The following CDH4 variants were observed in gnomAD, a reference collection of about 807,000 sequenced individuals.
CDH4 encodes cadherin 4, also known as cadherin-4.
In CDH4, 33 loss-of-function variants were observed where a neutral mutation model predicts 86.0. The ratio of observed to expected loss-of-function variants is 0.38; its 90% CI spans 0.29 to 0.51. The LOEUF (loss-of-function observed/expected upper bound fraction) is 0.51, where lower values mean the gene tolerates loss of function less well. Among genes scored for constraint, CDH4 ranks in the 20% least tolerant of loss-of-function variants. CDH4 has a pLI of 0.86. For missense variants in CDH4, 1,114 were observed against 1,307.4 expected, an observed-to-expected ratio of 0.85 and a Z score of 2.28; for synonymous variants, 555 against 549.4, an observed-to-expected ratio of 1.01 and a Z score of -0.14.
In CDH4 at chr20:61,652,736, C is replaced by T. The variant is rs2087134622; in HGVS notation, c.170-90827C>T. Among the ~76,000 whole-genome samples, 6 of 151,110 alleles carry T rather than the reference C, an allele frequency of 4.0e-5. No individual in the cohort carries two copies. In the South Asian group the frequency reaches 1.3e-3, roughly 32 times the overall value. On this transcript the variant is annotated intron_variant, in intron 2 of 15. Coordinates refer to ENST00000614565, the MANE Select transcript of CDH4 (RefSeq NM_001794.5). ...CATGGAATCTTGAAATTGAATTTTT[C>T]CTGGGTAGATTCCCAAGGGTTATAC...
At chr20:61,455,597 GC>G (rs1369008114) in intron 2 of CDH4, among the ~76,000 whole-genome samples, 1 of 152,218 alleles carries the variant, frequency 6.6e-6, no homozygotes, top group Non-Finnish European at 1.5e-5. Flanking sequence ...TCTAGGACTA[GC>G]CAGCGACTAG....
intron 4 of CDH4, among the ~76,000 whole-genome samples, chr20:61,815,420 G>A (rs762722220): frequency 1.2e-4 from 18 of 152,202 alleles, no homozygotes; most frequent in South Asian, 2.1e-4. Flanking sequence ...CGGGGAAGCC[G>A]CCCGTCGCTG....
chr20:61,728,808 G>A (rs544527900), intron 2 of CDH4, among the ~76,000 whole-genome samples: 2 of 152,198 alleles, frequency 1.3e-5, no homozygotes, highest in Non-Finnish European at 2.9e-5. Flanking sequence ...ACGTTTTTAA[G>A]AGTTCTAAAA....
intron 5 of CDH4, among the ~76,000 whole-genome samples, chr20:61,848,570 G>A (rs956859875): frequency 6.6e-6 from 1 of 152,128 alleles, no homozygotes; most frequent in East Asian, 1.9e-4. Context: ...TCGTCAGCCA[G>A]GCTGGAGTGC....
intron 2 of CDH4, among the ~76,000 whole-genome samples, chr20:61,457,189 G>A (rs2085411519): frequency 6.6e-6 from 1 of 152,156 alleles, no homozygotes; most frequent in Admixed American, 6.5e-5. Flanking sequence ...ACAAGGAGCG[G>A]ACAAGGTCAT....
chr20:61,549,696 G>A (rs73611534), intron 2 of CDH4, among the ~76,000 whole-genome samples: 6,394 of 152,302 alleles, frequency 0.042, 302 homozygotes, highest in East Asian at 0.25. Context: ...TATGTGCACC[G>A]CTGGGGGCCA....
chr20:61,589,840 GAA>G (rs2086504781), intron 2 of CDH4, among the ~76,000 whole-genome samples: 1 of 147,472 alleles, frequency 6.8e-6, no homozygotes, highest in South Asian at 2.1e-4. Flanking sequence ...AAAAAAAAAA[GAA>G]AGACAAGGTT....
chr20:61,553,087 G>A (rs192723077), intron 2 of CDH4, among the ~76,000 whole-genome samples: 1 of 152,350 alleles, frequency 6.6e-6, no homozygotes, highest in Admixed American at 6.5e-5. Flanking sequence ...CATCCAGACA[G>A]TGGAATATTC....
chr20:61,442,995 G>A (rs540537976), intron 2 of CDH4, among the ~76,000 whole-genome samples: 2 of 152,234 alleles, frequency 1.3e-5, no homozygotes, highest in African/African-American at 4.8e-5. Context: ...TCCACCCCCA[G>A]GTATGTGAAT....
intron 2 of CDH4, among the ~76,000 whole-genome samples, chr20:61,259,912 C>G (rs185485681): frequency 2.3e-4 from 35 of 152,296 alleles, no homozygotes; most frequent in Non-Finnish European, 3.8e-4. Flanking sequence ...ACTTCTTCCT[C>G]CTACCTGGAA....
chr20:61,433,713 C>A (rs1007332269), intron 2 of CDH4, among the ~76,000 whole-genome samples: 2 of 152,102 alleles, frequency 1.3e-5, no homozygotes, highest in Non-Finnish European at 2.9e-5. Flanking sequence ...AGGCTCCCGT[C>A]GGTCCCTGAG....
intron 2 of CDH4, among the ~76,000 whole-genome samples, chr20:61,434,056 T>A (rs1479227187): frequency 6.6e-6 from 1 of 152,166 alleles, no homozygotes; most frequent in East Asian, 1.9e-4. Flanking sequence ...CGTTACCCTC[T>A]AGCATGTACC....
Position 61,393,075 on chromosome 20 carries a change from A to G in CDH4, c.169+138138A>G, listed in dbSNP as rs1380574519. On this transcript the variant is annotated intron_variant, in intron 2 of 15. Coordinates refer to ENST00000614565, the MANE Select transcript of CDH4 (RefSeq NM_001794.5). This position sits in a 1 kb window ranked among gnomAD's most constrained non-coding sequence, Gnocchi z 4.3. ...GATCAGGGCCGTTTATTTTCCTCCTAATTTCTTACTGAATTGATTCCCACT... is the reference window on the plus strand; with the variant it reads ...GATCAGGGCCGTTTATTTTCCTCCTGATTTCTTACTGAATTGATTCCCACT... Among the ~76,000 whole-genome samples, 2 of 151,918 alleles carry G rather than the reference A, an allele frequency of 1.3e-5. No individual in the cohort carries two copies. The highest frequency in any genetic ancestry group is 2.4e-5 in the African/African-American group (1 of 41,348).
In CDH4 at chr20:61,597,226, G is replaced by A. The variant is rs139556999; in HGVS notation, c.170-146337G>A. On this transcript the variant is annotated intron_variant, in intron 2 of 15. Transcript: ENST00000614565. ...AATTTGTTGGTCGTCCAAGTTCACA[G>A]AGCCCTGGGTTCCATCCCCCGATCT... 2.6e-5 allele frequency among the ~76,000 whole-genome samples: 4 copies of A among 152,324 alleles called. No homozygotes were observed. In the East Asian group the frequency reaches 7.7e-4, roughly 29 times the overall value.
intron 2 of CDH4, among the ~76,000 whole-genome samples, chr20:61,331,247 G>A (rs1229293898): frequency 6.6e-6 from 1 of 151,874 alleles, no homozygotes; most frequent in African/African-American, 2.4e-5. Context: ...CTCCCACCCT[G>A]GGATGAGGCC....
intron 4 of CDH4, among the ~76,000 whole-genome samples, chr20:61,788,165 CA>C (rs1978984794): frequency 6.6e-6 from 1 of 152,182 alleles, no homozygotes; most frequent in Non-Finnish European, 1.5e-5. Flanking sequence ...CCCAGTAAAA[CA>C]GCTGGAAACC....
chr20:61,281,769 C>T (rs1415663004), intron 2 of CDH4, among the ~76,000 whole-genome samples: 1 of 152,238 alleles, frequency 6.6e-6, no homozygotes, highest in East Asian at 1.9e-4. Context: ...GGAGGGGACG[C>T]ACCCCATCCC....
intron 2 of CDH4, among the ~76,000 whole-genome samples, chr20:61,410,153 A>G (rs2085109275): frequency 6.6e-6 from 1 of 152,242 alleles, no homozygotes; most frequent in Non-Finnish European, 1.5e-5. Flanking sequence ...TGACATCTGA[A>G]TGCCTTTCCT....
At chr20:61,915,302 G>A (rs1208708429) in intron 9 of CDH4, among the ~76,000 whole-genome samples, 1 of 152,258 alleles carries the variant, frequency 6.6e-6, no homozygotes, top group Non-Finnish European at 1.5e-5. Context: ...GGCCGAGGCT[G>A]AGGGCTGGCT....
Sources: allele counts gnomAD v4.1 joint callset (sites outside exome capture counted in the v4.1 genomes callset), GRCh38; gene constraint gnomAD v4.1.1; non-coding constraint Gnocchi (gnomAD v3.1); transcripts MANE v1.5; gene names NCBI Gene and HGNC (gene_info 2026-07-23, HGNC 2026-07-21).